ADGRV1: variants seen among roughly 807,000 people sequenced by gnomAD.
The protein encoded by ADGRV1 is G-protein coupled receptor 98.
A neutral mutation model predicts 596.2 loss-of-function variants in ADGRV1; 359 were observed. That is an observed-to-expected ratio of 0.60 (90% CI 0.55 to 0.66). The LOEUF is 0.66. Ranked by LOEUF, ADGRV1 falls within the 30% of genes least tolerant of loss-of-function variation. The pLI, the probability that ADGRV1 is intolerant of heterozygous loss-of-function variation, is 0.00. For missense variants in ADGRV1, 7,274 were observed against 7,575.6 expected (o/e 0.96, Z 1.48); for synonymous variants, 2,681 against 2,679.2 (o/e 1.00, Z -0.02).
rs368056396 is a variant in ADGRV1 at position 90,695,237 on chromosome 5, G to C, written c.7945+536G>C. 8.5e-5 allele frequency among the ~76,000 whole-genome samples: 13 copies of C among 152,154 alleles called. No homozygotes were observed. The East Asian group carries it at 2.3e-3, about 27-fold the overall frequency. ...ATCCTAATGATAAATTTATAATACT[G>C]TTCCTACACTTGAGATCACTATTGT... On this transcript the variant is annotated intron_variant, in intron 33 of 89. Coordinates refer to ENST00000405460, the MANE Select transcript of ADGRV1 (RefSeq NM_032119.4).
At chr5:90,891,690 T>C (rs1415912649) in intron 83 of ADGRV1, among the ~76,000 whole-genome samples, 2 of 151,948 alleles carry the variant, frequency 1.3e-5, no homozygotes, top group Non-Finnish European at 2.9e-5. Context: ...GGCTATAGCA[T>C]AAAAAGTTCC....
intron 89 of ADGRV1, 70 bp from the exon 90 acceptor site, chr5:91,163,712 G>A (rs1797139624): frequency 1.6e-6 from 1 of 643,654 alleles, no homozygotes; most frequent in Admixed American, 2.8e-5. Context: ...TGGACCTAAT[G>A]TAAATTGATT....
At chr5:90,689,829 A>G (rs909380144) in intron 29 of ADGRV1, 32 bp from the exon 30 acceptor site, 5 of 1,451,414 alleles carry the variant, frequency 3.4e-6, no homozygotes, top group Non-Finnish European at 4.8e-6. Flanking sequence ...CATATTTTAG[A>G]AGTCTTAACA....
intron 83 of ADGRV1, among the ~76,000 whole-genome samples, chr5:90,957,644 AT>A (rs1777599210): frequency 6.7e-6 from 1 of 148,234 alleles, no homozygotes. Context: ...ACATATATGT[AT>A]ATATAAATAT....
intron 85 of ADGRV1, among the ~76,000 whole-genome samples, chr5:91,058,046 A>G (rs1023621146): frequency 2.6e-5 from 4 of 152,150 alleles, no homozygotes; most frequent in African/African-American, 9.7e-5. Context: ...TTTGCTTAAC[A>G]AGGGATTTTA....
intron 49 of ADGRV1, among the ~76,000 whole-genome samples, chr5:90,729,147 A>G (rs1752194494): frequency 6.6e-6 from 1 of 152,214 alleles, no homozygotes; most frequent in Non-Finnish European, 1.5e-5. Flanking sequence ...ACTACCTGAA[A>G]GTTATATGAA....
chr5:91,065,177 A>G (rs559666890), intron 85 of ADGRV1, among the ~76,000 whole-genome samples: 39 of 152,340 alleles, frequency 2.6e-4, no homozygotes, highest in South Asian at 2.5e-3. Context: ...CCCCATATAA[A>G]GTAGGTCATC....
Position 90,652,531 on chromosome 5 carries a change from A to G in ADGRV1, c.3602A>G (p.Glu1201Gly). 1.2e-6 allele frequency: 2 copies of G among 1,611,500 alleles called. No homozygotes were observed. Among genetic ancestry groups the G allele is most frequent in the Non-Finnish European group, 1.7e-6 (2 of 1,178,304 alleles). ...AFPDKIPEFN[E>G]FYFLKLVNIS... ...CCAGATAAAATTCCTGAATTCAATG[A>G]ATTTTATTTCCTAAAACTTGTAAAC... is the stretch of plus-strand genomic sequence containing the variant. Residue 1201 changes from glutamate to glycine, a missense_variant, in exon 19 of 90, where the codon GAA (glutamate) becomes GGA (glycine). Glu to Gly is a moderately conservative substitution (Grantham distance 98, BLOSUM62 -2). Around this residue, in one of 5 missense-constraint regions of ADGRV1, gnomAD observed 1,715 missense variants for 1,708.8 expected, o/e 1.00. Coordinates refer to ENST00000405460, the MANE Select transcript of ADGRV1 (RefSeq NM_032119.4).
chr5:90,576,199 G>A (rs1022043853), intron 1 of ADGRV1, among the ~76,000 whole-genome samples: 1 of 151,982 alleles, frequency 6.6e-6, no homozygotes, highest in African/African-American at 2.4e-5. Context: ...GTGTCATGTT[G>A]GTTTGCTGCA....
At chr5:90,859,950 A>C (rs1767388782) in intron 82 of ADGRV1, among the ~76,000 whole-genome samples, 1 of 151,780 alleles carries the variant, frequency 6.6e-6, no homozygotes, top group Admixed American at 6.6e-5. Flanking sequence ...AAATTAGCCA[A>C]ACATGATGGC....
chr5:90,579,162 T>C (rs545006556), intron 1 of ADGRV1, among the ~76,000 whole-genome samples: 1 of 152,314 alleles, frequency 6.6e-6, no homozygotes, highest in African/African-American at 2.4e-5. Context: ...TGAATGTGTT[T>C]GCTCTTGCTT....
chr5:90,703,192 T>C (rs1425930859), intron 34 of ADGRV1, among the ~76,000 whole-genome samples: 1 of 152,042 alleles, frequency 6.6e-6, no homozygotes. Context: ...TATATGTAAG[T>C]TACAACTAAA....
At chr5:90,668,211 C>G (rs1037087974) in intron 21 of ADGRV1, among the ~76,000 whole-genome samples, 1 of 151,984 alleles carries the variant, frequency 6.6e-6, no homozygotes, top group African/African-American at 2.4e-5. Flanking sequence ...CCCCCAGCCT[C>G]GCTGCCGCCT....
At chr5:91,093,119 T>G (rs1790527169) in intron 86 of ADGRV1, among the ~76,000 whole-genome samples, 2 of 152,212 alleles carry the variant, frequency 1.3e-5, no homozygotes, top group South Asian at 4.1e-4. Flanking sequence ...TTATTAAAAT[T>G]TCTACAATTA....
At chr5:90,679,965 G>A (rs974161013) in intron 26 of ADGRV1, among the ~76,000 whole-genome samples, 3 of 152,064 alleles carry the variant, frequency 2.0e-5, no homozygotes, top group African/African-American at 7.2e-5. Context: ...ATTTTACATA[G>A]CTTTGAATAC....
chr5:91,072,379 A>G (rs1471716664), intron 85 of ADGRV1, 68 bp from the exon 86 acceptor site: 1 of 1,330,488 alleles, frequency 7.5e-7, no homozygotes, highest in Non-Finnish European at 1.1e-6. Flanking sequence ...TAGTGATGTG[A>G]TACATTCTGC....
chr5:90,756,834 C>T, intron 56 of ADGRV1, 145 bp from the exon 57 acceptor site: 1 of 749,946 alleles, frequency 1.3e-6, no homozygotes, highest in Non-Finnish European at 2.1e-6. Context: ...GTTCAGAAGA[C>T]CTTTTATGCA....
chr5:91,156,546 G>T (rs1253242106), intron 89 of ADGRV1, among the ~76,000 whole-genome samples: 3 of 152,150 alleles, frequency 2.0e-5, no homozygotes, highest in African/African-American at 7.2e-5. Flanking sequence ...GAAACATAAA[G>T]TGAATTCTTG....
intron 83 of ADGRV1, among the ~76,000 whole-genome samples, chr5:90,908,599 G>A (rs980933893): frequency 6.6e-6 from 1 of 152,002 alleles, no homozygotes; most frequent in African/African-American, 2.4e-5. Context: ...CCTTTACTTT[G>A]AATTCAGTGG....
Sources: gnomAD v4.1 joint callset for allele counts (sites outside exome capture counted in the v4.1 genomes callset) on GRCh38, gnomAD v4.1.1 for gene constraint, gnomAD v4.1.1 regional missense constraint, MANE v1.5 for transcripts, NCBI Gene and HGNC (gene_info 2026-07-23, HGNC 2026-07-21) for gene names.